SAXO1: variants seen among roughly 807,000 people sequenced by gnomAD.
The protein encoded by SAXO1 is stabilizer of axonemal microtubules 1.
In SAXO1, 21 loss-of-function variants were observed where a neutral mutation model predicts 17.5. That is an observed-to-expected ratio of 1.20 (90% confidence interval 0.85 to 1.72). SAXO1 has a LOEUF of 1.72. SAXO1 is among the 40% of genes most tolerant of loss of function. SAXO1 has a pLI of 0.00. For synonymous variants in SAXO1, 274 were observed against 216.5 expected (o/e 1.27, Z -2.33); for missense variants, 843 against 596.0 (o/e 1.41, Z -4.32).
chr9:19,029,023 G>A (rs1181412880), intron 1 of SAXO1, among the ~76,000 whole-genome samples: 1 of 152,168 alleles, frequency 6.6e-6, no homozygotes, highest in Non-Finnish European at 1.5e-5. Context: ...AGTGAGAATT[G>A]ATCAGGAAAC....
In SAXO1 at chr9:18,928,659, T is replaced by C; in HGVS notation, c.818A>G (p.Glu273Gly). 1 of 1,613,922 alleles carries C rather than the reference T, an allele frequency of 6.2e-7. No homozygotes were observed. The highest frequency in any genetic ancestry group is 8.5e-7 in the Non-Finnish European group (1 of 1,179,976). ...GLDMPFCNTTEFRDKYQAWPM... is the reference protein window; with the variant it reads ...GLDMPFCNTTGFRDKYQAWPM... ...CCAAGCTTGGTACTTATCTCGAAAC[T>C]CAGTGGTGTTACAGAAAGGCATGTC... Residue 273 changes from glutamate (E) to glycine (G), a missense_variant, in exon 4 of 4, where the codon GAG (glutamate) becomes GGG (glycine). By Grantham distance (98) the Glu-to-Gly change is moderately conservative. Coordinates refer to ENST00000380534, the MANE Select transcript of SAXO1 (RefSeq NM_153707.4).
rs1334585916 is a variant in SAXO1, at chr9:18,928,094, A to G, written c.1383T>C (p.Asp461=). The G allele has an allele frequency of 6.2e-7, 1 of 1,612,458 alleles. No homozygotes were observed. Among genetic ancestry groups the G allele is most frequent in the African/African-American group, 1.3e-5 (1 of 75,024 alleles). The change falls in exon 4 of 4, where the codon GAT becomes GAC. Residue 461 remains aspartate, a synonymous_variant. Coordinates refer to ENST00000380534, the MANE Select transcript of SAXO1 (RefSeq NM_153707.4). ...ACTCCCTCTGGTTGGGGTTTTCTGA[A>G]TCATCTACAGAAAGATGGCTGCTCT... The part of the protein sequence containing the change: ...SQQSSHLSVD[D]SENPNQRELE...
intron 2 of SAXO1, among the ~76,000 whole-genome samples, chr9:18,944,772 C>T (rs928865771): frequency 1.3e-5 from 2 of 152,114 alleles, no homozygotes; most frequent in African/African-American, 2.4e-5. Flanking sequence ...GAGGAAATAA[C>T]GTAACAGTGA....
chr9:18,979,787 G>C (rs1588472656), intron 1 of SAXO1, among the ~76,000 whole-genome samples: 1 of 152,304 alleles, frequency 6.6e-6, no homozygotes, highest in African/African-American at 2.4e-5. Flanking sequence ...GCTGCAGTGA[G>C]CTATGATTGT....
intron 3 of SAXO1, among the ~76,000 whole-genome samples, chr9:18,937,809 C>A (rs2131688271): frequency 6.6e-6 from 1 of 152,228 alleles, no homozygotes. Context: ...AACTTCCCAG[C>A]CTTCAGAACT....
At chr9:18,959,988 G>C (rs1261831769) in intron 1 of SAXO1, among the ~76,000 whole-genome samples, 1 of 152,136 alleles carries the variant, frequency 6.6e-6, no homozygotes. Flanking sequence ...CTGTTGGAAT[G>C]GGCAGGCAGG....
chr9:18,963,522 T>C (rs917371852), intron 1 of SAXO1, among the ~76,000 whole-genome samples: 1 of 152,226 alleles, frequency 6.6e-6, no homozygotes, highest in African/African-American at 2.4e-5. Flanking sequence ...TCATATCCTT[T>C]GTAAGTTGTA....
intron 1 of SAXO1, among the ~76,000 whole-genome samples, chr9:18,995,735 A>C (rs972016428): frequency 2.0e-5 from 3 of 152,250 alleles, no homozygotes; most frequent in African/African-American, 7.2e-5. Flanking sequence ...AAAATAAAGA[A>C]AATAAAAACA....
At chr9:18,998,339 T>G (rs7045246) in intron 1 of SAXO1, among the ~76,000 whole-genome samples, 9,351 of 151,932 alleles carry the variant, frequency 0.062, 884 homozygotes, top group African/African-American at 0.2. Flanking sequence ...AATAGCCAAT[T>G]TGATCAAGCA....
At chr9:19,001,900 A>C (rs2130960348) in intron 1 of SAXO1, among the ~76,000 whole-genome samples, 1 of 152,302 alleles carries the variant, frequency 6.6e-6, no homozygotes, top group African/African-American at 2.4e-5. Flanking sequence ...AAATCAGAGC[A>C]GAAATGAAGG....
intron 1 of SAXO1, chr9:19,027,505 G>T (rs750222712): frequency 1.0e-5 from 9 of 863,776 alleles, no homozygotes; most frequent in Non-Finnish European, 1.8e-5. Context: ...ACATCCAAAA[G>T]GGGTGCTGGC....
chr9:19,044,009 G>A (rs1315732517), intron 1 of SAXO1, among the ~76,000 whole-genome samples: 3 of 151,886 alleles, frequency 2.0e-5, no homozygotes, highest in Non-Finnish European at 4.4e-5. Context: ...GCCAGGTTTT[G>A]TGGCAGGTGC....
At chr9:19,016,884 A>G (rs1010305692) in intron 1 of SAXO1, among the ~76,000 whole-genome samples, 1 of 148,078 alleles carries the variant, frequency 6.8e-6, no homozygotes, top group Non-Finnish European at 1.5e-5. Context: ...CATCTTGTGG[A>G]AGGCAGTGCC....
intron 3 of SAXO1, among the ~76,000 whole-genome samples, chr9:18,934,061 T>C (rs1037892550): frequency 1.2e-4 from 19 of 152,010 alleles, no homozygotes; most frequent in African/African-American, 4.3e-4. Context: ...ATAATAATAA[T>C]AATAATAATA....
intron 1 of SAXO1, among the ~76,000 whole-genome samples, chr9:18,996,696 G>T (rs999979207): frequency 1.3e-5 from 2 of 152,092 alleles, no homozygotes; most frequent in South Asian, 2.1e-4. Flanking sequence ...GTCATAACAT[G>T]ATAAAGGCCA....
chr9:19,008,528 G>C (rs146969020), intron 1 of SAXO1, among the ~76,000 whole-genome samples: 1 of 152,184 alleles, frequency 6.6e-6, no homozygotes, highest in Non-Finnish European at 1.5e-5. Flanking sequence ...AGGGTGAACA[G>C]GGGAGGAGAG....
At chr9:19,017,626 G>A (rs1436370137) in intron 1 of SAXO1, among the ~76,000 whole-genome samples, 1 of 152,194 alleles carries the variant, frequency 6.6e-6, no homozygotes, top group African/African-American at 2.4e-5. Context: ...CCACACTTCT[G>A]CAAACTGCCC....
At chr9:18,966,592 A>G (rs776266245) in intron 1 of SAXO1, among the ~76,000 whole-genome samples, 10 of 152,176 alleles carry the variant, frequency 6.6e-5, no homozygotes, top group Non-Finnish European at 1.3e-4. Context: ...ACCTCCATCA[A>G]GTCATTTATA....
chr9:19,003,591 A>G lies in SAXO1; in HGVS notation c.38+29280T>C, dbSNP rs373915592. ...ACAGAGGCCTCAGAAATAACACTAC[A>G]CATCTACAACCATCTGGTCTTTGAC... On this transcript the variant is annotated intron_variant, in intron 1 of 3. Coordinates refer to ENST00000380534, the MANE Select transcript of SAXO1 (RefSeq NM_153707.4). 1.2e-4 allele frequency among the ~76,000 whole-genome samples: 18 copies of G among 152,312 alleles called. No individual in the cohort carries two copies. The East Asian group carries it at 2.7e-3, about 23-fold the overall frequency.
Sources: allele counts gnomAD v4.1 joint callset (sites outside exome capture counted in the v4.1 genomes callset), GRCh38; gene constraint gnomAD v4.1.1; transcripts MANE v1.5; gene names NCBI Gene and HGNC (gene_info 2026-07-23, HGNC 2026-07-21).